Variants in PDGFA observed in about 807,000 individuals in gnomAD.
The protein encoded by PDGFA is platelet-derived growth factor subunit A.
PDGFA carries 9 observed loss-of-function variants against 25.6 expected under a neutral mutation model. The observed-to-expected ratio is 0.35, with a 90% CI of 0.21 to 0.61. The LOEUF (loss-of-function observed/expected upper bound fraction) is 0.61, where lower values mean the gene tolerates loss of function less well. PDGFA is among the 20% of genes least tolerant of loss of function. The pLI, the probability that PDGFA is intolerant of heterozygous loss-of-function variation, is 0.75. For synonymous variants in PDGFA, 133 were observed against 111.8 expected, an observed-to-expected ratio of 1.19 and a Z score of -1.20; for missense variants, 242 against 272.8, an observed-to-expected ratio of 0.89 and a Z score of 0.79.
chr7:508,584 A>AG (rs1201677005), intron 4 of PDGFA, among the ~76,000 whole-genome samples: 2 of 147,752 alleles, frequency 1.4e-5, no homozygotes, highest in East Asian at 3.9e-4. Context: ...AAAAAAAAAA[A>AG]AAAATTCTCA....
Position 500,766 on chromosome 7 carries a change from C to T in PDGFA, c.580+350G>A. 11 of 1,440,736 alleles carry T rather than the reference C, an allele frequency of 7.6e-6. No homozygotes were observed. The highest frequency in any genetic ancestry group is 1.0e-5 in the Non-Finnish European group (11 of 1,099,774). The allele number at this position is 1,440,736 out of a possible 1,614,324, so 89.2% of individuals were successfully genotyped here. A position where few individuals can be genotyped will look rare whatever the true frequency, so the allele number is the denominator to read the frequency against. ...GGCAACTGCAGTCCTCGAACCTGCT[C>T]CTCCCGCCCACCCTGGCAGGAGGCC... On this transcript the variant is annotated intron_variant, in intron 5 of 5. Transcript: ENST00000402802. This position sits in a 1 kb window ranked among gnomAD's most constrained non-coding sequence, Gnocchi z 5.0.
Position 500,709 on chromosome 7 carries a change from G to A in PDGFA, c.580+407C>T. 1 of 1,441,518 alleles carries A rather than the reference G, an allele frequency of 6.9e-7. No homozygotes were observed. The highest frequency in any genetic ancestry group is 9.1e-7 in the Non-Finnish European group (1 of 1,103,026). 89.3% of individuals were successfully genotyped at this position (1,441,518 alleles called of 1,614,324 possible). Reference sequence around the variant, plus strand: ...TTCTGCTCCTGGGTGGAGTCCGCGTGGCGGGGTGAAGGAGAGACCCCAGCC... The same window carrying A: ...TTCTGCTCCTGGGTGGAGTCCGCGTAGCGGGGTGAAGGAGAGACCCCAGCC... On this transcript the variant is annotated intron_variant, in intron 5 of 5. Coordinates refer to ENST00000402802, the Ensembl canonical transcript of PDGFA. The surrounding 1 kb of genome is among the most constrained non-coding windows in gnomAD (Gnocchi z 5.0).
intron 4 of PDGFA, among the ~76,000 whole-genome samples, chr7:508,952 C>A (rs1332588929): frequency 1.3e-5 from 2 of 152,276 alleles, no homozygotes. Flanking sequence ...AAGGGCCAGG[C>A]CCTGCCTCAG....
intron 4 of PDGFA, among the ~76,000 whole-genome samples, chr7:510,279 C>T (rs1782740865): frequency 6.6e-6 from 1 of 152,100 alleles, no homozygotes; most frequent in South Asian, 2.1e-4. Context: ...CTTCTCCTCC[C>T]TGGGCCTCAG....
intron 4 of PDGFA, among the ~76,000 whole-genome samples, chr7:506,659 A>G (rs567610899): frequency 3.3e-5 from 5 of 151,612 alleles, no homozygotes; most frequent in South Asian, 4.2e-4. Flanking sequence ...TCAGGCCCAC[A>G]CTCCTGTCCT....
chr7:504,485 A>G (rs62433312), intron 4 of PDGFA, among the ~76,000 whole-genome samples: 13,649 of 152,092 alleles, frequency 0.09, 671 homozygotes, highest in Non-Finnish European at 0.11. Context: ...CTCAGCAGGG[A>G]CCGAGTTCCT....
exon 6 of PDGFA, chr7:498,472 C>T (rs764555564): frequency 1.0e-5 from 13 of 1,240,598 alleles, no homozygotes; most frequent in Admixed American, 3.9e-5. Flanking sequence ...GAACAAAGAC[C>T]GCACACTGGC....
At chr7:502,265 G>A (rs1782374082) in intron 4 of PDGFA, among the ~76,000 whole-genome samples, 1 of 146,440 alleles carries the variant, frequency 6.8e-6, no homozygotes, top group Non-Finnish European at 1.5e-5. Context: ...CTAGGAATGG[G>A]GGGTTCGTGG....
Sources: allele counts gnomAD v4.1 joint callset (sites outside exome capture counted in the v4.1 genomes callset), GRCh38; gene constraint gnomAD v4.1.1; non-coding constraint Gnocchi (gnomAD v3.1); transcripts MANE v1.5; gene names NCBI Gene and HGNC (gene_info 2026-07-23, HGNC 2026-07-21).